The following ENTREP2 variants were observed in gnomAD, a reference collection of about 807,000 sequenced individuals.
The protein encoded by ENTREP2 is endosomal transmembrane epsin interactor 2.
the ENTREP2 span, among the ~76,000 whole-genome samples, chr15:29,655,093 C>G: frequency 1.4e-5 from 2 of 144,960 alleles, no homozygotes; most frequent in Admixed American, 1.3e-4. Flanking sequence ...TGAAAGGATT[C>G]TAAAGTGATC....
At chr15:29,361,237 A>G in the ENTREP2 span, among the ~76,000 whole-genome samples, 2 of 152,316 alleles carry the variant, frequency 1.3e-5, no homozygotes, top group African/African-American at 4.8e-5. Context: ...CAATGAAAAG[A>G]GCATGCCCTC....
the ENTREP2 span, among the ~76,000 whole-genome samples, chr15:29,489,728 A>ACAG: frequency 6.6e-6 from 1 of 152,182 alleles, no homozygotes; most frequent in Non-Finnish European, 1.5e-5. Context: ...GGAGAACTTA[A>ACAG]CAGCACTCTA....
At chr15:29,261,612 C>A in the ENTREP2 span, among the ~76,000 whole-genome samples, 1 of 152,138 alleles carries the variant, frequency 6.6e-6, no homozygotes, top group Admixed American at 6.5e-5. Flanking sequence ...GGCCAAAGAC[C>A]ATGTTAAAAT....
the ENTREP2 span, among the ~76,000 whole-genome samples, chr15:29,544,180 T>C: frequency 1.3e-5 from 2 of 152,158 alleles, no homozygotes; most frequent in African/African-American, 4.8e-5. Flanking sequence ...AAGAAAGACA[T>C]AAGAAGTTTT....
the ENTREP2 span, among the ~76,000 whole-genome samples, chr15:29,663,777 G>T: frequency 6.6e-6 from 1 of 152,140 alleles, no homozygotes; most frequent in African/African-American, 2.4e-5. Context: ...CCAAGTTAAT[G>T]GGTGCAGCAC....
the ENTREP2 span, among the ~76,000 whole-genome samples, chr15:29,666,914 C>G: frequency 2.6e-5 from 4 of 152,228 alleles, no homozygotes; most frequent in Non-Finnish European, 5.9e-5. Flanking sequence ...TCTTACTTAT[C>G]TTTCTCAGCT....
At chr15:29,582,103 G>A in the ENTREP2 span, among the ~76,000 whole-genome samples, 3 of 152,052 alleles carry the variant, frequency 2.0e-5, no homozygotes, top group South Asian at 2.1e-4. Context: ...CACCATGCCC[G>A]GCTAATTTTT....
chr15:29,118,399 T>G, the ENTREP2 span: 1 of 152,242 alleles, frequency 6.6e-6, no homozygotes, highest in Non-Finnish European at 1.5e-5. Context: ...CTCTGCAAAT[T>G]CACTATGCGG....
At chr15:29,506,841 G>A in the ENTREP2 span, among the ~76,000 whole-genome samples, 1 of 152,164 alleles carries the variant, frequency 6.6e-6, no homozygotes, top group African/African-American at 2.4e-5. Context: ...TGAAGAAACT[G>A]CATCAACAAT....
At chr15:29,455,275 G>A in the ENTREP2 span, among the ~76,000 whole-genome samples, 1 of 152,100 alleles carries the variant, frequency 6.6e-6, no homozygotes, top group African/African-American at 2.4e-5. Flanking sequence ...ACCATGTGAG[G>A]CCATCAATGC....
At chr15:29,439,216 T>C in the ENTREP2 span, among the ~76,000 whole-genome samples, 4 of 150,584 alleles carry the variant, frequency 2.7e-5, no homozygotes, top group Non-Finnish European at 4.4e-5. Context: ...CAGCTGATGG[T>C]AGGGGCAGGG....
the ENTREP2 span, among the ~76,000 whole-genome samples, chr15:29,557,623 C>G: frequency 6.6e-6 from 1 of 152,202 alleles, no homozygotes; most frequent in Admixed American, 6.5e-5. Context: ...GCTTCATACC[C>G]ACACCCACTT....
the ENTREP2 span, among the ~76,000 whole-genome samples, chr15:29,293,632 A>G: frequency 2.6e-5 from 4 of 152,170 alleles, no homozygotes; most frequent in East Asian, 7.7e-4. Context: ...CAGGCCCAGA[A>G]GCAGGTGTGA....
chr15:29,241,767 A>T, the ENTREP2 span, among the ~76,000 whole-genome samples: 2 of 152,194 alleles, frequency 1.3e-5, no homozygotes, highest in Non-Finnish European at 2.9e-5. Context: ...AGTCATTAAA[A>T]ATCAGTTTAT....
At chr15:29,469,767 T>C in the ENTREP2 span, among the ~76,000 whole-genome samples, 1 of 133,076 alleles carries the variant, frequency 7.5e-6, no homozygotes, top group Non-Finnish European at 1.6e-5. Context: ...TAAACATTTT[T>C]TAATAAATTA....
chr15:29,478,758 AGCT>A, the ENTREP2 span, among the ~76,000 whole-genome samples: 1 of 151,396 alleles, frequency 6.6e-6, no homozygotes, highest in African/African-American at 2.4e-5. Context: ...TACAAAAATT[AGCT>A]GGGCGTGGTG....
At chr15:29,281,403 G>A in the ENTREP2 span, among the ~76,000 whole-genome samples, 1 of 152,152 alleles carries the variant, frequency 6.6e-6, no homozygotes, top group African/African-American at 2.4e-5. Context: ...GTTGCAAGGG[G>A]TATTTTTGGA....
the ENTREP2 span, among the ~76,000 whole-genome samples, chr15:29,600,524 C>G: frequency 2.0e-5 from 3 of 152,308 alleles, no homozygotes; most frequent in Middle Eastern, 3.4e-3. Context: ...TGATCTCTCT[C>G]TCCCTTGACC....
chr15:29,391,883 GA>G, the ENTREP2 span, among the ~76,000 whole-genome samples: 11 of 152,206 alleles, frequency 7.2e-5, no homozygotes, highest in Admixed American at 1.3e-4. Flanking sequence ...GGAGTGCAGT[GA>G]CACGAGCTCG....
Sources: gnomAD v4.1 joint callset for allele counts (sites outside exome capture counted in the v4.1 genomes callset) on GRCh38, gnomAD v4.1.1 for gene constraint, MANE v1.5 for transcripts, NCBI Gene and HGNC (gene_info 2026-07-23, HGNC 2026-07-21) for gene names.